Variants in TENT4A observed in about 807,000 individuals in gnomAD.
TENT4A encodes the protein terminal nucleotidyltransferase 4A.
Under a neutral mutation model 72.8 loss-of-function variants are expected in TENT4A, and 7 were observed. That is an observed-to-expected ratio of 0.10 (90% CI 0.05 to 0.18). TENT4A has a LOEUF of 0.18. Among genes scored for constraint, TENT4A ranks in the 10% least tolerant of loss-of-function variants. The probability of loss-of-function intolerance (pLI) is 1.00; values close to 1 mark genes in which losing one functional copy is unlikely to be tolerated. For missense variants in TENT4A, 831 were observed against 1,017.7 expected, an observed-to-expected ratio of 0.82 and a Z score of 2.50; for synonymous variants, 456 against 434.3, an observed-to-expected ratio of 1.05 and a Z score of -0.62.
chr5:6,749,673 A>G lies in TENT4A; in HGVS notation c.1687+16A>G, dbSNP rs774754121. The G allele has an allele frequency of 1.3e-6, 2 of 1,521,396 alleles. No homozygotes were observed. Among genetic ancestry groups the G allele is most frequent in the African/African-American group, 1.4e-5 (1 of 73,170 alleles). The allele number at this position is 1,521,396 out of a possible 1,614,324, so 94.2% of individuals were successfully genotyped here. A position where few individuals can be genotyped will look rare whatever the true frequency, so the allele number is the denominator to read the frequency against. On this transcript the variant is annotated intron_variant, in intron 9 of 12. Transcript: ENST00000230859. The stretch of plus-strand genomic sequence containing the variant: ...CCAGGCATGGGTGAGAGATTAATTC[A>G]TTTGTGTTCATCCTAACCACTGGCT...
At chr5:6,749,250 C>G (rs1742265599) in intron 8 of TENT4A, among the ~76,000 whole-genome samples, 1 of 152,132 alleles carries the variant, frequency 6.6e-6, no homozygotes, top group African/African-American at 2.4e-5. Flanking sequence ...CGTCTCCATT[C>G]TCGTCCGTGC....
chr5:6,748,660 A>G (rs1742236613), intron 8 of TENT4A, 70 bp downstream of exon 8: 4 of 1,471,952 alleles, frequency 2.7e-6, no homozygotes, highest in Non-Finnish European at 3.7e-6. Context: ...TTCCTGTGTC[A>G]TTTACCTCCA....
intron 1 of TENT4A, among the ~76,000 whole-genome samples, chr5:6,722,101 C>T (rs1372307878): frequency 6.6e-6 from 1 of 152,178 alleles, no homozygotes; most frequent in Non-Finnish European, 1.5e-5. Flanking sequence ...GAGAGCCTAG[C>T]TCCATCAGCC....
chr5:6,715,604 A>G (rs1052078911), intron 1 of TENT4A, among the ~76,000 whole-genome samples: 2 of 152,228 alleles, frequency 1.3e-5, no homozygotes, highest in African/African-American at 2.4e-5. Flanking sequence ...TTAAAAAACA[A>G]TTAAGGATTT....
intron 10 of TENT4A, chr5:6,750,810 TAAATC>T: frequency 1.8e-6 from 1 of 541,892 alleles, no homozygotes; most frequent in East Asian, 3.0e-5. Flanking sequence ...AAAAAAAAAT[TAAATC>T]CAAGTATCTC....
In TENT4A at chr5:6,742,565, C is replaced by T. The variant is rs1579484871; in HGVS notation, c.1084C>T (p.Arg362Trp). ...DISFNMETGV[R>W]AAEFIKNYMK... ...CAGCTTTAACATGGAGACGGGCGTC[C>T]GGGCAGCGGAGTTCATCAAGAATTA... The change falls in exon 5 of 13, where the codon CGG becomes TGG. Residue 362 changes from arginine to tryptophan, a missense_variant. By Grantham distance (101) the Arg-to-Trp change is moderately radical. Transcript: ENST00000230859. 3 of 1,612,680 alleles carry T rather than the reference C, an allele frequency of 1.9e-6. No homozygotes were observed. Among genetic ancestry groups the T allele is most frequent in the South Asian group, 1.1e-5 (1 of 91,064 alleles).
chr5:6,741,831 G>A (rs1329693099), intron 4 of TENT4A, among the ~76,000 whole-genome samples: 1 of 152,152 alleles, frequency 6.6e-6, no homozygotes, highest in Non-Finnish European at 1.5e-5. Context: ...ATCCTTCAAG[G>A]CTGAAGGAAA....
intron 7 of TENT4A, among the ~76,000 whole-genome samples, chr5:6,746,768 T>A (rs553187037): frequency 1.7e-4 from 26 of 152,358 alleles, no homozygotes; most frequent in South Asian, 8.3e-4. Context: ...CCCCTTTTAT[T>A]TGGACATGTA....
intron 4 of TENT4A, among the ~76,000 whole-genome samples, chr5:6,741,984 T>TTA (rs1398283851): frequency 6.6e-6 from 1 of 152,240 alleles, no homozygotes; most frequent in East Asian, 1.9e-4. Flanking sequence ...ATTTCTAAAA[T>TTA]AGCCTTTTAT....
chr5:6,727,330 C>T (rs753256228), intron 1 of TENT4A, among the ~76,000 whole-genome samples: 1 of 152,304 alleles, frequency 6.6e-6, no homozygotes, highest in Middle Eastern at 3.4e-3. Flanking sequence ...GCATGCAGGC[C>T]GAGGGCCTGG....
chr5:6,714,474 A>G lies in TENT4A; in HGVS notation c.491A>G (p.Asn164Ser), dbSNP rs1740257900. The G allele has an allele frequency of 4.2e-6, 5 of 1,180,144 alleles. No homozygotes were observed. The highest frequency in any genetic ancestry group is 7.4e-5 in the East Asian group (2 of 26,992). 73.1% of individuals were successfully genotyped at this position (1,180,144 alleles called of 1,614,324 possible). The change falls in exon 1 of 13, where the codon AAC becomes AGC. Residue 164 changes from asparagine to serine, a missense_variant. This residue lies in a region of TENT4A where 302 missense variants were observed against 293.8 expected (regional missense o/e 1.03). Transcript: ENST00000230859. ...GCGCCCAGCGCCCCTGGCACAGCCA[A>G]CGGGCACCCCGGGCCGCGCGGCCCC... ...DGAPSAPGTA[N>S]GHPGPRGPAP...
chr5:6,744,389 T>C (rs1333166752), intron 6 of TENT4A, among the ~76,000 whole-genome samples: 1 of 152,264 alleles, frequency 6.6e-6, no homozygotes, highest in Non-Finnish European at 1.5e-5. Context: ...TAAACTGTAA[T>C]TATACTTTTT....
chr5:6,716,521 T>C (rs910184052), intron 1 of TENT4A, among the ~76,000 whole-genome samples: 4 of 152,228 alleles, frequency 2.6e-5, no homozygotes, highest in African/African-American at 9.6e-5. Context: ...GTGCCTTTGA[T>C]GCACTCTGGT....
Position 6,750,387 on chromosome 5 carries a change from A to T in TENT4A, c.1744A>T (p.Asn582Tyr). ...IATCNGEQTQ[N>Y]REPESPYGQR... ...CACATGCAATGGGGAGCAGACGCAG[A>T]ACCGAGAGCCCGAGTCTCCCTATGG... is the stretch of plus-strand genomic sequence containing the variant. Residue 582 changes from asparagine to tyrosine, a missense_variant, in exon 10 of 13, where the codon AAC becomes TAC. Transcript: ENST00000230859. 1 of 1,613,104 alleles carries T rather than the reference A, an allele frequency of 6.2e-7. No homozygotes were observed. Among genetic ancestry groups the T allele is most frequent in the Non-Finnish European group, 8.5e-7 (1 of 1,179,544 alleles).
chr5:6,752,266 C>T (rs1037793243), intron 11 of TENT4A, among the ~76,000 whole-genome samples: 5 of 152,150 alleles, frequency 3.3e-5, no homozygotes, highest in South Asian at 2.1e-4. Context: ...AGTCCAGGGA[C>T]GCTGAGGGTT....
At chr5:6,726,986 C>T (rs1167335639) in intron 1 of TENT4A, among the ~76,000 whole-genome samples, 4 of 152,106 alleles carry the variant, frequency 2.6e-5, no homozygotes, top group Non-Finnish European at 4.4e-5. Flanking sequence ...GACCTTAGCT[C>T]TCTTAGTACA....
intron 1 of TENT4A, among the ~76,000 whole-genome samples, chr5:6,737,130 G>A (rs1741551267): frequency 6.6e-6 from 1 of 152,268 alleles, no homozygotes; most frequent in Admixed American, 6.5e-5. Flanking sequence ...CTTGGGGCCT[G>A]TGCTGGAGCT....
chr5:6,722,658 T>C (rs2126602427), intron 1 of TENT4A, among the ~76,000 whole-genome samples: 1 of 151,828 alleles, frequency 6.6e-6, no homozygotes, highest in African/African-American at 2.4e-5. Context: ...ATGTATTTGC[T>C]CAGGGCTGTA....
At chr5:6,738,470 A>C (rs1284231852) in intron 2 of TENT4A, among the ~76,000 whole-genome samples, 1 of 152,174 alleles carries the variant, frequency 6.6e-6, no homozygotes, top group African/African-American at 2.4e-5. Flanking sequence ...TTCACCTCTT[A>C]ATTTTGAGTT....
Sources: allele counts gnomAD v4.1 joint callset (sites outside exome capture counted in the v4.1 genomes callset), GRCh38; gene constraint gnomAD v4.1.1; regional missense constraint gnomAD v4.1.1; transcripts MANE v1.5; gene names NCBI Gene and HGNC (gene_info 2026-07-23, HGNC 2026-07-21).